Variants in KIFAP3 observed in about 807,000 individuals in gnomAD.
KIFAP3 encodes the protein kinesin associated protein 3, also known as kinesin-associated protein 3.
KIFAP3 carries 68 observed loss-of-function variants against 106.5 expected under a neutral mutation model. That is an observed-to-expected ratio of 0.64 (90% CI 0.53 to 0.78). The LOEUF is 0.78. KIFAP3 is among the 30% of genes least tolerant of loss of function. KIFAP3 has a pLI of 0.00. For missense variants in KIFAP3, 780 were observed against 941.8 expected (o/e 0.83, Z 2.25); for synonymous variants, 320 against 311.5 (o/e 1.03, Z -0.29).
intron 1 of KIFAP3, among the ~76,000 whole-genome samples, chr1:170,070,923 G>C (rs770448075): frequency 1.3e-5 from 2 of 152,052 alleles, no homozygotes; most frequent in Non-Finnish European, 2.9e-5. Flanking sequence ...TATCTGACAA[G>C]GTTCTATTAC....
chr1:169,939,858 A>C (rs561131730), intron 19 of KIFAP3, among the ~76,000 whole-genome samples: 3 of 152,232 alleles, frequency 2.0e-5, no homozygotes, highest in African/African-American at 7.2e-5. Context: ...AGATTTGGCA[A>C]TATGAAGACT....
chr1:170,067,314 C>T (rs997739078), intron 1 of KIFAP3, among the ~76,000 whole-genome samples: 7 of 152,012 alleles, frequency 4.6e-5, no homozygotes, highest in African/African-American at 7.2e-5. Flanking sequence ...TCAGTGAAAA[C>T]GGCAGAGTAG....
chr1:170,059,566 C>A (rs1319896562), intron 1 of KIFAP3, among the ~76,000 whole-genome samples: 5 of 152,144 alleles, frequency 3.3e-5, no homozygotes, highest in Non-Finnish European at 5.9e-5. Flanking sequence ...GATGGATTCA[C>A]AGCCGAATTC....
chr1:169,933,547 T>C (rs541330604), intron 19 of KIFAP3, among the ~76,000 whole-genome samples: 5 of 152,198 alleles, frequency 3.3e-5, no homozygotes, highest in African/African-American at 4.8e-5. Flanking sequence ...CTTCAAAGAA[T>C]AGGGCTAAGC....
intron 19 of KIFAP3, among the ~76,000 whole-genome samples, chr1:169,941,536 T>G (rs1234204825): frequency 5.0e-3 from 2 of 398 alleles, no homozygotes; most frequent in Non-Finnish European, 9.3e-3. Flanking sequence ...TTCTGTGAAA[T>G]TAGATGGCTA....
chr1:169,925,439 A>C (rs1663083141), intron 19 of KIFAP3, among the ~76,000 whole-genome samples: 1 of 152,044 alleles, frequency 6.6e-6, no homozygotes, highest in African/African-American at 2.4e-5. Context: ...ATTCTTTAAA[A>C]GAGAAAAATT....
intron 1 of KIFAP3, among the ~76,000 whole-genome samples, chr1:170,062,027 G>A (rs537471545): frequency 6.6e-6 from 1 of 151,982 alleles, no homozygotes; most frequent in Non-Finnish European, 1.5e-5. Context: ...GTGGGGAGAG[G>A]GGGGAGGGAT....
intron 1 of KIFAP3, among the ~76,000 whole-genome samples, chr1:170,067,124 T>C (rs564002554): frequency 2.5e-4 from 38 of 152,162 alleles, no homozygotes; most frequent in Admixed American, 9.2e-4. Flanking sequence ...TGGCATAAAA[T>C]ATAAGTCAGA....
At chr1:170,013,897 C>T (rs1459958708) in intron 10 of KIFAP3, among the ~76,000 whole-genome samples, 1 of 152,126 alleles carries the variant, frequency 6.6e-6, no homozygotes, top group East Asian at 1.9e-4. Context: ...TGCAATTCTC[C>T]ATATCCCTGT....
chr1:169,953,334 TAAAAA>T (rs761625889), intron 19 of KIFAP3, among the ~76,000 whole-genome samples: 7 of 152,204 alleles, frequency 4.6e-5, no homozygotes, highest in Non-Finnish European at 8.8e-5. Context: ...ACCAACTTTT[TAAAAA>T]CAGCTATGTC....
At chr1:170,007,273 AAG>A (rs1668012848) in intron 10 of KIFAP3, among the ~76,000 whole-genome samples, 1 of 151,750 alleles carries the variant, frequency 6.6e-6, no homozygotes, top group African/African-American at 2.4e-5. Context: ...AGGGGACAGA[AAG>A]AGGAGAGAAT....
intron 10 of KIFAP3, among the ~76,000 whole-genome samples, chr1:170,009,553 C>T (rs1488758094): frequency 2.0e-5 from 3 of 152,140 alleles, no homozygotes; most frequent in African/African-American, 7.2e-5. Context: ...TGTGCTAAAA[C>T]CATCCTCAAG....
At chr1:170,071,901 T>C (rs1671722553) in intron 1 of KIFAP3, among the ~76,000 whole-genome samples, 1 of 152,230 alleles carries the variant, frequency 6.6e-6, no homozygotes, top group Non-Finnish European at 1.5e-5. Flanking sequence ...GACCTTGATA[T>C]ACCATGTGAG....
At chr1:170,002,492 A>G in intron 10 of KIFAP3, among the ~76,000 whole-genome samples, 1 of 152,204 alleles carries the variant, frequency 6.6e-6, no homozygotes, top group Admixed American at 6.5e-5. Flanking sequence ...TTTTCCTGTC[A>G]TAACCAATAA....
intron 17 of KIFAP3, among the ~76,000 whole-genome samples, chr1:169,969,536 A>C (rs1665800642): frequency 6.6e-6 from 1 of 152,074 alleles, no homozygotes; most frequent in Non-Finnish European, 1.5e-5. Flanking sequence ...AGAGCTTGCT[A>C]TTAATTCCAG....
At chr1:169,938,375 A>T (rs535049393) in intron 19 of KIFAP3, among the ~76,000 whole-genome samples, 3 of 152,044 alleles carry the variant, frequency 2.0e-5, no homozygotes, top group Non-Finnish European at 4.4e-5. Flanking sequence ...ATTTTATAAT[A>T]CAAAGCATAT....
At chr1:169,994,097 A>T (rs978319875) in intron 10 of KIFAP3, among the ~76,000 whole-genome samples, 6 of 151,952 alleles carry the variant, frequency 3.9e-5, no homozygotes, top group Non-Finnish European at 7.4e-5. Flanking sequence ...CATTTACTAT[A>T]TATCAAGAGC....
rs776498908 is a variant in KIFAP3 at position 169,998,229 on chromosome 1, G to C, written c.1184-5974C>G. Among the ~76,000 whole-genome samples the C allele has an allele frequency of 5.9e-5, 9 of 152,144 alleles. No homozygotes were observed. The South Asian group carries it at 1.0e-3, about 18-fold the overall frequency. On this transcript the variant is annotated intron_variant, in intron 10 of 19. Transcript: ENST00000361580. ...GAACAGACAGAAGTCTGAGGACACT[G>C]AAGAGAAACCTCACAATTAGCTACC...
intron 10 of KIFAP3, among the ~76,000 whole-genome samples, chr1:169,998,008 ACT>A (rs1667454317): frequency 6.6e-6 from 1 of 150,848 alleles, no homozygotes; most frequent in South Asian, 2.1e-4. Context: ...TCATTCTCTC[ACT>A]CTCATAGAGT....
Sources: allele counts gnomAD v4.1 joint callset (sites outside exome capture counted in the v4.1 genomes callset), GRCh38; gene constraint gnomAD v4.1.1; transcripts MANE v1.5; gene names NCBI Gene and HGNC (gene_info 2026-07-23, HGNC 2026-07-21).